The following PRUNE2 variants were observed in gnomAD, a reference collection of about 807,000 sequenced individuals.
PRUNE2 encodes the protein prune homolog 2 with BCH domain.
PRUNE2 carries 164 observed loss-of-function variants against 252.0 expected under a neutral mutation model. That is an observed-to-expected ratio of 0.65 (90% CI 0.57 to 0.74). The LOEUF (loss-of-function observed/expected upper bound fraction) is 0.74. PRUNE2 is among the 30% of genes least tolerant of loss of function. The probability of loss-of-function intolerance (pLI) is 0.00; values close to 1 mark genes in which losing one functional copy is unlikely to be tolerated. For missense variants in PRUNE2, 3,495 were observed against 3,711.0 expected (o/e 0.94, Z 1.51); for synonymous variants, 1,292 against 1,350.2 (o/e 0.96, Z 0.94).
intron 17 of PRUNE2, among the ~76,000 whole-genome samples, chr9:76,622,033 CTT>C (rs950916041): frequency 6.6e-6 from 1 of 152,086 alleles, no homozygotes; most frequent in Non-Finnish European, 1.5e-5. Context: ...GAATCAGAAA[CTT>C]TGGGGGTGAG....
At chr9:76,876,379 C>G (rs2061477473) in intron 1 of PRUNE2, among the ~76,000 whole-genome samples, 1 of 152,180 alleles carries the variant, frequency 6.6e-6, no homozygotes, top group South Asian at 2.1e-4. Flanking sequence ...CTGAGGGTTC[C>G]TCCTGCTCAC....
At chr9:76,762,298 T>G (rs73460246) in intron 6 of PRUNE2, among the ~76,000 whole-genome samples, 18,688 of 152,192 alleles carry the variant, frequency 0.12, 1,789 homozygotes, top group East Asian at 0.41. Context: ...TCTCTGTTAT[T>G]TCATCAAAAA....
At position 76,747,369 on chromosome 9, in the gene PRUNE2, AG is replaced by A. The variant is rs1231858570; in HGVS notation, c.757-33649del. 3.3e-5 allele frequency among the ~76,000 whole-genome samples: 5 copies of A among 152,178 alleles called. No individual in the cohort carries two copies. In the East Asian group the frequency reaches 9.6e-4, roughly 29 times the overall value. On this transcript the variant is annotated intron_variant, in intron 6 of 18. Transcript: ENST00000376718. ...AACTTTTGCATTTAACTACTGCAAA[AG>A]TTACTGTTTGTTGAGCCTTCAATGT...
At chr9:76,736,537 A>G (rs1334972626) in intron 6 of PRUNE2, 2 of 152,256 alleles carry the variant, frequency 1.3e-5, no homozygotes, top group African/African-American at 4.8e-5. Flanking sequence ...AGATCCTGAC[A>G]TACTCGCTGT....
intron 4 of PRUNE2, among the ~76,000 whole-genome samples, chr9:76,829,395 T>C (rs180738400): frequency 2.6e-4 from 39 of 152,326 alleles, no homozygotes; most frequent in African/African-American, 9.1e-4. Flanking sequence ...AAAAGGAGTT[T>C]TAGTTAAGTA....
At chr9:76,782,631 G>A (rs1257435491) in intron 6 of PRUNE2, 2 of 152,126 alleles carry the variant, frequency 1.3e-5, no homozygotes, top group African/African-American at 2.4e-5. Context: ...AGTTATAAGC[G>A]CAGAGTTTCT....
At chr9:76,702,154 G>A (rs370740700) in intron 9 of PRUNE2, among the ~76,000 whole-genome samples, 1 of 151,462 alleles carries the variant, frequency 6.6e-6, no homozygotes, top group Non-Finnish European at 1.5e-5. Context: ...CCACCTCCCA[G>A]GTTCAAGCAA....
chr9:76,793,097 A>T (rs933945521), intron 6 of PRUNE2, among the ~76,000 whole-genome samples: 13 of 152,240 alleles, frequency 8.5e-5, no homozygotes, highest in Non-Finnish European at 1.6e-4. Flanking sequence ...GGTTTGGTAC[A>T]TCTTCTGCAA....
In PRUNE2 at chr9:76,619,463, G is replaced by A. The variant is rs113924184; in HGVS notation, c.9189-76C>T. 607 of 1,038,420 alleles carry A rather than the reference G, an allele frequency of 5.8e-4. No homozygotes were observed. In the African/African-American group the frequency reaches 8.0e-3, roughly 14 times the overall value. The allele number at this position is 1,038,420 out of a possible 1,614,324, so 64.3% of individuals were successfully genotyped here. On this transcript the variant is annotated intron_variant, in intron 17 of 18. Coordinates refer to ENST00000376718, the MANE Select transcript of PRUNE2 (RefSeq NM_015225.3). ...ACTGTGAAAGCACAACAGATTTGAG[G>A]CATTTGAAACTGTTTAATGTGGTCC... is the stretch of plus-strand genomic sequence containing the variant.
rs760844855 is a variant in PRUNE2 at position 76,710,775 on chromosome 9, G to C, written c.1499C>G (p.Pro500Arg). ...TTGCTGGGACTGCCCAGAAGCCATG[G>C]GTGCTGGGTCAAAATTGAAGAGGTC... ...HFDLFNFDPAPMASGQSQQSS... is the reference protein window; with the variant it reads ...HFDLFNFDPARMASGQSQQSS... Residue 500 changes from proline to arginine, a missense_variant, in exon 8 of 19, where the codon CCC becomes CGC. Physicochemically the swap from Pro to Arg is moderately radical, Grantham distance 103 (BLOSUM62 -2). Coordinates refer to ENST00000376718, the MANE Select transcript of PRUNE2 (RefSeq NM_015225.3). 1.6e-5 allele frequency: 26 copies of C among 1,600,312 alleles called. No individual in the cohort carries two copies. The South Asian group carries it at 2.6e-4, about 16-fold the overall frequency.
intron 6 of PRUNE2, among the ~76,000 whole-genome samples, chr9:76,741,759 T>C (rs11145035): frequency 0.17 from 25,592 of 152,118 alleles, 2,555 homozygotes; most frequent in East Asian, 0.49. Flanking sequence ...CAAGCCTTTG[T>C]CTCCTTGCAG....
intron 4 of PRUNE2, among the ~76,000 whole-genome samples, chr9:76,832,220 T>C (rs1164292943): frequency 6.6e-6 from 1 of 152,084 alleles, no homozygotes; most frequent in African/African-American, 2.4e-5. Flanking sequence ...GGAAAAAGTA[T>C]GCAAAAATAT....
At chr9:76,664,813 G>A (rs1050994436) in intron 9 of PRUNE2, among the ~76,000 whole-genome samples, 9 of 152,148 alleles carry the variant, frequency 5.9e-5, no homozygotes, top group South Asian at 2.1e-4. Context: ...GCACCTGGCC[G>A]AGATTATTTA....
At chr9:76,729,089 T>A (rs976118964) in intron 6 of PRUNE2, among the ~76,000 whole-genome samples, 1 of 152,234 alleles carries the variant, frequency 6.6e-6, no homozygotes, top group Non-Finnish European at 1.5e-5. Flanking sequence ...CAGCCATTGT[T>A]TAAATTACGG....
intron 4 of PRUNE2, among the ~76,000 whole-genome samples, chr9:76,837,439 T>A (rs1387052775): frequency 7.9e-5 from 2 of 25,376 alleles, no homozygotes; most frequent in Admixed American, 1.2e-3. Flanking sequence ...AGACTCTGTC[T>A]CAAATAATAA....
chr9:76,699,335 A>G (rs1039915138), intron 9 of PRUNE2, among the ~76,000 whole-genome samples: 35 of 152,050 alleles, frequency 2.3e-4, no homozygotes, highest in Non-Finnish European at 4.3e-4. Context: ...TGGCTAGGCT[A>G]TGGTGCCCAG....
rs762504407 is a variant in PRUNE2 at position 76,707,165 on chromosome 9, C to T, written c.5109G>A (p.Gln1703=). The T allele has an allele frequency of 8.1e-6, 13 of 1,613,962 alleles. No individual in the cohort carries two copies. The highest frequency in any genetic ancestry group is 1.1e-5 in the Non-Finnish European group (13 of 1,179,874). Residue 1703 remains glutamine, a synonymous_variant, in exon 8 of 19, where the codon CAG becomes CAA. Coordinates refer to ENST00000376718, the MANE Select transcript of PRUNE2 (RefSeq NM_015225.3). Reference sequence around the variant, plus strand: ...CCTCAGCAACGTGGCAGTTGGCCACCTGGATCTCTTCCTCTATTGACTCTT... The same window carrying T: ...CCTCAGCAACGTGGCAGTTGGCCACTTGGATCTCTTCCTCTATTGACTCTT... ...GGEESIEEEI[Q]VANCHVAEDE... is the part of the protein sequence containing the mutation.
intron 6 of PRUNE2, among the ~76,000 whole-genome samples, chr9:76,805,333 T>C (rs11145077): frequency 0.17 from 25,360 of 152,150 alleles, 2,177 homozygotes; most frequent in East Asian, 0.2. Context: ...TAGTAAGTTG[T>C]GGTGTGGCTG....
At chr9:76,890,578 G>A (rs912754787) in intron 1 of PRUNE2, among the ~76,000 whole-genome samples, 2 of 152,142 alleles carry the variant, frequency 1.3e-5, no homozygotes, top group Non-Finnish European at 2.9e-5. Flanking sequence ...AGGTGTGCAC[G>A]ATTTAACAAC....
Sources: gnomAD v4.1 joint callset for allele counts (sites outside exome capture counted in the v4.1 genomes callset) on GRCh38, gnomAD v4.1.1 for gene constraint, MANE v1.5 for transcripts, NCBI Gene and HGNC (gene_info 2026-07-23, HGNC 2026-07-21) for gene names.